CTNNA2: variants seen among roughly 807,000 people sequenced by gnomAD.
CTNNA2 encodes catenin alpha-2.
Under a neutral mutation model 101.0 loss-of-function variants are expected in CTNNA2, and 42 were observed. The ratio of observed to expected loss-of-function variants is 0.42; its 90% CI spans 0.32 to 0.54. CTNNA2 has a LOEUF of 0.54. CTNNA2 is among the 20% of genes least tolerant of loss of function. The pLI, the probability that CTNNA2 is intolerant of heterozygous loss-of-function variation, is 0.14. For synonymous variants in CTNNA2, 450 were observed against 456.4 expected (o/e 0.99, Z 0.18); for missense variants, 871 against 1,223.1 (o/e 0.71, Z 4.29).
intron 2 of CTNNA2, among the ~76,000 whole-genome samples, chr2:79,681,511 G>A (rs965717596): frequency 1.3e-5 from 2 of 152,110 alleles, no homozygotes; most frequent in African/African-American, 4.8e-5. Flanking sequence ...ACACTATTGG[G>A]TTTTACAAGA....
chr2:80,079,373 T>C (rs1335267787), intron 7 of CTNNA2, among the ~76,000 whole-genome samples: 1 of 152,194 alleles, frequency 6.6e-6, no homozygotes, highest in African/African-American at 2.4e-5. Context: ...AGTGACCACA[T>C]TGGCCTGGCT....
intron 9 of CTNNA2, among the ~76,000 whole-genome samples, chr2:80,522,795 A>G (rs1689684109): frequency 6.6e-6 from 1 of 152,144 alleles, no homozygotes; most frequent in Admixed American, 6.5e-5. Context: ...AGAGGCCCGT[A>G]CAGCCTGCAA....
intron 3 of CTNNA2, among the ~76,000 whole-genome samples, chr2:79,782,193 G>C (rs1674498559): frequency 6.6e-6 from 1 of 152,072 alleles, no homozygotes; most frequent in South Asian, 2.1e-4. Context: ...AACTTTGGAA[G>C]AGTTAGCCAA....
At chr2:79,476,837 G>A (rs1400194563) in intron 4 of CTNNA2, among the ~76,000 whole-genome samples, 1 of 152,142 alleles carries the variant, frequency 6.6e-6, no homozygotes, top group African/African-American at 2.4e-5. Flanking sequence ...ACACTCATCT[G>A]TACTCAACAA....
At chr2:80,473,885 G>A (rs76446461) in intron 9 of CTNNA2, among the ~76,000 whole-genome samples, 5,819 of 152,218 alleles carry the variant, frequency 0.038, 332 homozygotes, top group African/African-American at 0.13. Flanking sequence ...GCCATCATAG[G>A]ATTTTTTAAA....
intron 2 of CTNNA2, among the ~76,000 whole-genome samples, chr2:79,666,285 T>C (rs1682414326): frequency 1.3e-5 from 2 of 152,234 alleles, no homozygotes; most frequent in African/African-American, 2.4e-5. Context: ...GTTTTAATTG[T>C]AGAAAATGAT....
At chr2:80,617,654 TG>T (rs2149800581) in intron 17 of CTNNA2, among the ~76,000 whole-genome samples, 1 of 151,880 alleles carries the variant, frequency 6.6e-6, no homozygotes, top group South Asian at 2.1e-4. Flanking sequence ...ATGGACATGA[TG>T]TTGCCAAATC....
chr2:80,079,509 A>G (rs1698977602), intron 7 of CTNNA2, among the ~76,000 whole-genome samples: 1 of 152,192 alleles, frequency 6.6e-6, no homozygotes, highest in South Asian at 2.1e-4. Flanking sequence ...TCCAGGACAC[A>G]GATTAGTCTT....
chr2:79,717,616 T>C (rs542963863), intron 2 of CTNNA2, among the ~76,000 whole-genome samples: 1 of 152,208 alleles, frequency 6.6e-6, no homozygotes, highest in Non-Finnish European at 1.5e-5. Flanking sequence ...TCTGCTATTC[T>C]ATAATGACTC....
At chr2:80,165,122 A>G (rs1282196918) in intron 7 of CTNNA2, among the ~76,000 whole-genome samples, 1 of 151,666 alleles carries the variant, frequency 6.6e-6, no homozygotes, top group South Asian at 2.1e-4. Context: ...TATTCCTTTG[A>G]CTACTTTTCC....
Position 80,086,976 on chromosome 2 carries a change from G to A in CTNNA2, c.1056+177179G>A, listed in dbSNP as rs187986096. Among the ~76,000 whole-genome samples, 104 of 152,116 alleles carry A rather than the reference G, an allele frequency of 6.8e-4. 1 individual carries two copies. Among genetic ancestry groups the A allele is most frequent in the African/African-American group, 2.4e-3 (99 of 41,510 alleles). On this transcript the variant is annotated intron_variant, in intron 7 of 18. Transcript: ENST00000402739. Reference sequence around the variant, plus strand: ...AATGTGTTTCCAGATGATGCTTTGAGGATTACTAACAGAGCAGCTATTACA... The same window carrying A: ...AATGTGTTTCCAGATGATGCTTTGAAGATTACTAACAGAGCAGCTATTACA...
intron 8 of CTNNA2, among the ~76,000 whole-genome samples, chr2:80,408,480 G>A (rs893722476): frequency 1.3e-5 from 2 of 152,178 alleles, no homozygotes; most frequent in Admixed American, 1.3e-4. Context: ...TAAATTGTGA[G>A]GGGATTAAAT....
chr2:79,528,086 A>T (rs1184941051), intron 1 of CTNNA2, among the ~76,000 whole-genome samples: 1 of 152,230 alleles, frequency 6.6e-6, no homozygotes, highest in African/African-American at 2.4e-5. Context: ...GTTTGATTGA[A>T]TTTATATAAA....
chr2:80,151,425 G>GGCTTGA (rs1409336104), intron 7 of CTNNA2, among the ~76,000 whole-genome samples: 4 of 152,110 alleles, frequency 2.6e-5, no homozygotes, highest in Non-Finnish European at 5.9e-5. Context: ...TTCTCTTTGA[G>GGCTTGA]GCTTGATTTC....
chr2:80,624,706 C>T (rs868120327), intron 18 of CTNNA2, among the ~76,000 whole-genome samples: 3 of 151,718 alleles, frequency 2.0e-5, no homozygotes, highest in South Asian at 4.1e-4. Context: ...ATGGGGAACC[C>T]TATTTTTAAT....
chr2:79,960,660 A>G (rs1223090328), intron 7 of CTNNA2, among the ~76,000 whole-genome samples: 1 of 152,238 alleles, frequency 6.6e-6, no homozygotes, highest in African/African-American at 2.4e-5. Context: ...AAAGACCTTA[A>G]ACATTACATT....
In CTNNA2 at chr2:80,160,501, G is replaced by T. The variant is rs566822804; in HGVS notation, c.1057-232710G>T. ...GCATAGTTTTCAGCCAACAAATTCTGTGTATGTTTTATTGGATTTACATCT... is the reference window on the plus strand; with the variant it reads ...GCATAGTTTTCAGCCAACAAATTCTTTGTATGTTTTATTGGATTTACATCT... On this transcript the variant is annotated intron_variant, in intron 7 of 18. Coordinates refer to ENST00000402739, the MANE Select transcript of CTNNA2 (RefSeq NM_001282597.3). Among the ~76,000 whole-genome samples the T allele has an allele frequency of 2.0e-5, 3 of 152,174 alleles. No homozygotes were observed. The South Asian group carries it at 6.2e-4, about 32-fold the overall frequency.
At chr2:80,346,543 T>TG (rs913188714) in intron 7 of CTNNA2, among the ~76,000 whole-genome samples, 5 of 152,144 alleles carry the variant, frequency 3.3e-5, no homozygotes, top group African/African-American at 1.2e-4. Flanking sequence ...AACATGAAAT[T>TG]GGGGTGGGGA....
intron 7 of CTNNA2, among the ~76,000 whole-genome samples, chr2:80,020,364 C>T (rs753325544): frequency 6.6e-6 from 1 of 151,908 alleles, no homozygotes; most frequent in Non-Finnish European, 1.5e-5. Context: ...TATAGGTTAG[C>T]AAAATAAACA....
Sources: allele counts gnomAD v4.1 joint callset (sites outside exome capture counted in the v4.1 genomes callset), GRCh38; gene constraint gnomAD v4.1.1; transcripts MANE v1.5; gene names NCBI Gene and HGNC (gene_info 2026-07-23, HGNC 2026-07-21).